The following NEXN variants were observed in gnomAD, a reference collection of about 807,000 sequenced individuals.
The protein encoded by NEXN is nexilin F-actin binding protein.
A neutral mutation model predicts 92.6 loss-of-function variants in NEXN; 65 were observed. The observed-to-expected ratio is 0.70, with a 90% CI of 0.57 to 0.86. The LOEUF is 0.86. NEXN is among the 40% of genes least tolerant of loss of function. The pLI is 0.00. For synonymous variants in NEXN, 254 were observed against 242.5 expected, an observed-to-expected ratio of 1.05 and a Z score of -0.44; for missense variants, 778 against 771.1, an observed-to-expected ratio of 1.01 and a Z score of -0.11.
intron 2 of NEXN, 93 bp from the exon 3 acceptor site, chr1:77,917,473 A>G (rs1006470864): frequency 2.2e-6 from 2 of 928,286 alleles, no homozygotes; most frequent in Non-Finnish European, 3.4e-6. Flanking sequence ...GTTTCAATAA[A>G]TATTTTTTAT....
At chr1:77,906,123 A>G (rs1648094029) in intron 1 of NEXN, among the ~76,000 whole-genome samples, 1 of 152,148 alleles carries the variant, frequency 6.6e-6, no homozygotes. Context: ...GCTCAGAGAC[A>G]TGAAAAAACA....
chr1:77,928,153 A>G (rs1650010067), intron 8 of NEXN, among the ~76,000 whole-genome samples: 1 of 151,930 alleles, frequency 6.6e-6, no homozygotes, highest in Non-Finnish European at 1.5e-5. Flanking sequence ...TACAAAAACA[A>G]ATACAAAAAT....
In NEXN at chr1:77,912,558, C is replaced by T. The variant is rs1209103117; in HGVS notation, c.-52-3497C>T. On this transcript the variant is annotated intron_variant, in intron 1 of 12. Transcript: ENST00000334785. ...ACTCAACTTTAAGACATACTATAAACCTACAGTAATTGATACAGTGCAGTG... is the reference window on the plus strand; with the variant it reads ...ACTCAACTTTAAGACATACTATAAATCTACAGTAATTGATACAGTGCAGTG... Among the ~76,000 whole-genome samples the T allele has an allele frequency of 3.9e-5, 6 of 152,218 alleles. No homozygotes were observed. The East Asian group carries it at 1.2e-3, about 29-fold the overall frequency.
intron 1 of NEXN, among the ~76,000 whole-genome samples, chr1:77,915,716 A>G (rs1353489218): frequency 6.6e-6 from 1 of 152,242 alleles, no homozygotes; most frequent in Non-Finnish European, 1.5e-5. Flanking sequence ...AAATTAGTAA[A>G]AATACAGATC....
At chr1:77,910,676 G>A (rs1429643532) in intron 1 of NEXN, among the ~76,000 whole-genome samples, 1 of 148,814 alleles carries the variant, frequency 6.7e-6, no homozygotes, top group African/African-American at 2.5e-5. Context: ...ACTTGAACCC[G>A]AGAGGTGGAG....
chr1:77,922,248 T>C (rs1338087081), intron 5 of NEXN, among the ~76,000 whole-genome samples: 1 of 150,202 alleles, frequency 6.7e-6, no homozygotes, highest in Admixed American at 6.7e-5. Context: ...CATGCCATTC[T>C]CCTGCCTCAG....
chr1:77,903,361 C>A (rs1647867480), intron 1 of NEXN, among the ~76,000 whole-genome samples: 1 of 151,888 alleles, frequency 6.6e-6, no homozygotes, highest in Non-Finnish European at 1.5e-5. Flanking sequence ...GTTAAGAGTT[C>A]TGAAGAAACT....
intron 1 of NEXN, among the ~76,000 whole-genome samples, chr1:77,903,579 T>C (rs1338691109): frequency 6.6e-6 from 1 of 152,196 alleles, no homozygotes; most frequent in East Asian, 1.9e-4. Flanking sequence ...GAAGACTAAA[T>C]AGAAATAATT....
In NEXN at chr1:77,900,581, GCTT is replaced by G. The variant is rs557953790; in HGVS notation, c.-53+11823_-53+11825del. Among the ~76,000 whole-genome samples, 9 of 152,162 alleles carry G rather than the reference GCTT, an allele frequency of 5.9e-5. No individual in the cohort carries two copies. The East Asian group carries it at 1.7e-3, about 29-fold the overall frequency. On this transcript the variant is annotated intron_variant, in intron 1 of 12. Transcript: ENST00000334785. ...CATCTGTCAAATTTGAAAAAATGCA[GCTT>G]TTTTGATAAATTGTGTATGGGTTAT...
chr1:77,937,285 C>T (rs1239981160), intron 11 of NEXN, among the ~76,000 whole-genome samples: 1 of 152,014 alleles, frequency 6.6e-6, no homozygotes, highest in Non-Finnish European at 1.5e-5. Flanking sequence ...GCCTGGGGGT[C>T]AGAGCAAGAC....
intron 1 of NEXN, among the ~76,000 whole-genome samples, chr1:77,901,882 C>A (rs1285755906): frequency 6.6e-6 from 1 of 152,200 alleles, no homozygotes; most frequent in Non-Finnish European, 1.5e-5. Flanking sequence ...GCTGGGACTA[C>A]AGGAATGCAC....
chr1:77,907,449 T>C (rs1315633659), intron 1 of NEXN, among the ~76,000 whole-genome samples: 1 of 152,208 alleles, frequency 6.6e-6, no homozygotes, highest in Non-Finnish European at 1.5e-5. Flanking sequence ...TGCAATTCCA[T>C]AACACAAAAA....
At chr1:77,937,132 CG>C (rs1650831009) in intron 11 of NEXN, among the ~76,000 whole-genome samples, 1 of 150,868 alleles carries the variant, frequency 6.6e-6, no homozygotes, top group Admixed American at 6.6e-5. Context: ...ATGGCAAAAC[CG>C]TATCTGTACA....
At chr1:77,940,621 G>A (rs527567550) in intron 11 of NEXN, among the ~76,000 whole-genome samples, 2 of 152,236 alleles carry the variant, frequency 1.3e-5, no homozygotes, top group South Asian at 4.1e-4. Context: ...ACTCAGAATA[G>A]CAATTATTGT....
In NEXN at chr1:77,916,005, A is replaced by G. The variant is rs950959346; in HGVS notation, c.-52-50A>G. On this transcript the variant is annotated intron_variant, in intron 1 of 12. Transcript: ENST00000334785. ...CTATTTCTATTTATAAAAATACATAATATATTACAAATAAATTAAAATTTA... is the reference window on the plus strand; with the variant it reads ...CTATTTCTATTTATAAAAATACATAGTATATTACAAATAAATTAAAATTTA... 41 of 593,188 alleles carry G rather than the reference A, an allele frequency of 6.9e-5. No homozygotes were observed. In the African/African-American group the frequency reaches 7.8e-4, roughly 11 times the overall value. The allele number at this position is 593,188 out of a possible 1,614,324, so 36.7% of individuals were successfully genotyped here.
chr1:77,915,496 G>T (rs981354465), intron 1 of NEXN, among the ~76,000 whole-genome samples: 1 of 151,386 alleles, frequency 6.6e-6, no homozygotes, highest in Admixed American at 6.6e-5. Flanking sequence ...GGACGTGGCG[G>T]CACACGCCTG....
chr1:77,918,265 G>A lies in NEXN; in HGVS notation c.439G>A (p.Ala147Thr). Residue 147 changes from alanine (A) to threonine (T), a missense_variant, in exon 5 of 13, where the codon GCT becomes ACT. Physicochemically the swap from Ala to Thr is moderately conservative, Grantham distance 58. Coordinates refer to ENST00000334785, the MANE Select transcript of NEXN (RefSeq NM_144573.4). The stretch of plus-strand genomic sequence containing the variant: ...AATACAGCGTGAATTAGCAAAAAGG[G>A]CTGAACAGGTATCACTGAAGATTAA... ...RKIQRELAKR[A>T]EQIEDINNTG... 6.2e-7 allele frequency: 1 copy of A among 1,614,090 alleles called. No individual in the cohort carries two copies. Among genetic ancestry groups the A allele is most frequent in the Non-Finnish European group, 8.5e-7 (1 of 1,179,960 alleles).
Position 77,917,945 on chromosome 1 carries a change from T to A in NEXN, c.220-15T>A. On this transcript the variant is annotated splice_polypyrimidine_tract_variant and intron_variant, in intron 3 of 12. Coordinates refer to ENST00000334785, the MANE Select transcript of NEXN (RefSeq NM_144573.4). ...TTTTGGACATGTGCTCACATTAATT[T>A]ATTTAACCATCTAGATTAAAGAAAT... 6.2e-7 allele frequency: 1 copy of A among 1,602,032 alleles called. No individual in the cohort carries two copies. Among genetic ancestry groups the A allele is most frequent in the Non-Finnish European group, 8.5e-7 (1 of 1,170,122 alleles).
At chr1:77,917,831 T>C in intron 3 of NEXN, 74 bp downstream of exon 3, 4 of 1,434,524 alleles carry the variant, frequency 2.8e-6, no homozygotes, top group Non-Finnish European at 3.9e-6. Context: ...TTATTCACAT[T>C]AACCACATTT....
Sources: allele counts gnomAD v4.1 joint callset (sites outside exome capture counted in the v4.1 genomes callset), GRCh38; gene constraint gnomAD v4.1.1; transcripts MANE v1.5; gene names NCBI Gene and HGNC (gene_info 2026-07-23, HGNC 2026-07-21).